Variants in TERB1 observed in about 807,000 individuals in gnomAD.
TERB1 encodes the protein telomere repeat binding bouquet formation protein 1.
Under a neutral mutation model 92.3 loss-of-function variants are expected in TERB1, and 63 were observed. The ratio of observed to expected loss-of-function variants is 0.68; its 90% CI spans 0.56 to 0.84. TERB1 has a LOEUF of 0.84. Among genes scored for constraint, TERB1 ranks in the 40% least tolerant of loss-of-function variants. The pLI, the probability that TERB1 is intolerant of heterozygous loss-of-function variation, is 0.00. For missense variants in TERB1, 709 were observed against 843.7 expected, an observed-to-expected ratio of 0.84 and a Z score of 1.98; for synonymous variants, 252 against 283.9, an observed-to-expected ratio of 0.89 and a Z score of 1.13.
At chr16:66,765,887 C>T (rs1309345962) in intron 16 of TERB1, among the ~76,000 whole-genome samples, 1 of 91,010 alleles carries the variant, frequency 1.1e-5, no homozygotes, top group South Asian at 4.0e-4. Flanking sequence ...TTTTTTGAGA[C>T]GGAGTCTCGC....
intron 9 of TERB1, among the ~76,000 whole-genome samples, chr16:66,783,736 G>C (rs988494100): frequency 3.3e-5 from 5 of 152,016 alleles, no homozygotes; most frequent in African/African-American, 1.2e-4. Flanking sequence ...TGTTGTTGTT[G>C]TTGTTTAGAA....
rs868456398 is a variant in TERB1 at position 66,787,320 on chromosome 16, G to A, written c.400+849C>T. The stretch of plus-strand genomic sequence containing the variant: ...TTTTTATTTCTTTGTAGAGAGACAA[G>A]GTCTCAGTATGTTACCTAGGCTGGT... On this transcript the variant is annotated intron_variant, in intron 6 of 18. Coordinates refer to ENST00000433154, the MANE Select transcript of TERB1 (RefSeq NM_001136505.2). Among the ~76,000 whole-genome samples, 9 of 149,888 alleles carry A rather than the reference G, an allele frequency of 6.0e-5. No homozygotes were observed. In the East Asian group the frequency reaches 9.7e-4, roughly 16 times the overall value.
chr16:66,755,295 T>C lies in TERB1; in HGVS notation c.1997-132A>G, dbSNP rs1597004133. ...ACAGAGTGAGAAATGCCAGGGCTTC[T>C]CATCATGTGGAAACCCACTTCAATT... is the stretch of plus-strand genomic sequence containing the variant. On this transcript the variant is annotated intron_variant, in intron 18 of 18. Coordinates refer to ENST00000433154, the MANE Select transcript of TERB1 (RefSeq NM_001136505.2). 4 of 631,174 alleles carry C rather than the reference T, an allele frequency of 6.3e-6. No homozygotes were observed. The East Asian group carries it at 8.4e-5, about 13-fold the overall frequency. The allele number at this position is 631,174 out of a possible 1,614,324, so 39.1% of individuals were successfully genotyped here.
chr16:66,775,508 C>A (rs2018531410), intron 11 of TERB1, among the ~76,000 whole-genome samples: 1 of 151,968 alleles, frequency 6.6e-6, no homozygotes, highest in Non-Finnish European at 1.5e-5. Flanking sequence ...GTGGCAGGCA[C>A]TTGTAATCCC....
chr16:66,786,233 C>A lies in TERB1; in HGVS notation c.453G>T (p.Arg151=). 1 of 1,549,232 alleles carries A rather than the reference C, an allele frequency of 6.5e-7. No individual in the cohort carries two copies. The change falls in exon 7 of 19, where the codon CGG becomes CGT. Residue 151 remains arginine (R), a synonymous_variant. Transcript: ENST00000433154. ...RETGCITVLS[R]LFRTVISKHE... Reference sequence around the variant, plus strand: ...AATTTGTATTTGTTTACCTGAATAACCGTGACAGAACTGTAATACAACCTG... The same window carrying A: ...AATTTGTATTTGTTTACCTGAATAAACGTGACAGAACTGTAATACAACCTG...
At position 66,755,091 on chromosome 16, in the gene TERB1, C is replaced by T; in HGVS notation, c.2069G>A (p.Gly690Glu). ...NYLFNGVKKM[G>E]NHWNSILWSF... ...CCACAAAATTGAATTCCAGTGATTT[C>T]CCATTTTCTTAACTCCATTGAAAAG... Residue 690 changes from glycine (G) to glutamate (E), a missense_variant, in exon 19 of 19, where the codon GGA becomes GAA. Coordinates refer to ENST00000433154, the MANE Select transcript of TERB1 (RefSeq NM_001136505.2). 6.4e-7 allele frequency: 1 copy of T among 1,551,332 alleles called. No individual in the cohort carries two copies. The highest frequency in any genetic ancestry group is 8.7e-7 in the Non-Finnish European group (1 of 1,146,678).
At chr16:66,787,648 T>A (rs1408709364) in intron 6 of TERB1, among the ~76,000 whole-genome samples, 1 of 152,210 alleles carries the variant, frequency 6.6e-6, no homozygotes, top group East Asian at 1.9e-4. Context: ...ATAAACTAAT[T>A]CATTAAATGC....
In TERB1 at chr16:66,754,789, TG is replaced by T; in HGVS notation, c.*186del. ...GGAATTTTCTTACTAATCTGTACAC[TG>T]ATGATATATTTGCTTTATAAATCAT... On this transcript the variant is annotated 3_prime_UTR_variant, in exon 19 of 19. Coordinates refer to ENST00000433154, the MANE Select transcript of TERB1 (RefSeq NM_001136505.2). The T allele has an allele frequency of 1.7e-6, 1 of 590,692 alleles. No homozygotes were observed. Among genetic ancestry groups the T allele is most frequent in the African/African-American group, 1.9e-5 (1 of 53,790 alleles). The allele number at this position is 590,692 out of a possible 1,614,324, so 36.6% of individuals were successfully genotyped here.
intron 2 of TERB1, among the ~76,000 whole-genome samples, chr16:66,800,517 A>G (rs1329407733): frequency 1.4e-5 from 2 of 139,870 alleles, no homozygotes; most frequent in Non-Finnish European, 3.0e-5. Flanking sequence ...CAGCCTCCCC[A>G]GTAGCTGGGA....
chr16:66,755,615 A>C (rs1597004326), intron 18 of TERB1, among the ~76,000 whole-genome samples: 1 of 152,052 alleles, frequency 6.6e-6, no homozygotes, highest in East Asian at 1.9e-4. Flanking sequence ...TCTCCACCAA[A>C]AATACAAAAA....
At position 66,778,922 on chromosome 16, in the gene TERB1, GA is replaced by G. The variant is rs2018592049; in HGVS notation, c.793del (p.Ser265ProfsTer9). 1.3e-6 allele frequency: 2 copies of G among 1,535,274 alleles called. No individual in the cohort carries two copies. Among genetic ancestry groups the G allele is most frequent in the Non-Finnish European group, 1.8e-6 (2 of 1,133,912 alleles). On this transcript the variant is annotated frameshift_variant, in exon 10 of 19. Coordinates refer to ENST00000433154, the MANE Select transcript of TERB1 (RefSeq NM_001136505.2). LOFTEE classifies it high-confidence loss of function. ...QLESDSHETL[S>X]SAKLAVVVTK... ...CACAACCACTGCAAGTTTAGCACTG[GA>G]AAGAGTCTCATGTGAATCAGATTCC...
intron 16 of TERB1, among the ~76,000 whole-genome samples, chr16:66,765,101 T>C (rs1373722844): frequency 6.6e-6 from 1 of 152,204 alleles, no homozygotes; most frequent in Non-Finnish European, 1.5e-5. Context: ...GAAGACTGAG[T>C]TCTATTCATC....
At chr16:66,755,309 C>A (rs969228620) in intron 18 of TERB1, 146 bp from the exon 19 acceptor site, 13 of 607,602 alleles carry the variant, frequency 2.1e-5, no homozygotes, top group Non-Finnish European at 3.7e-5. Context: ...CATGTGGAAA[C>A]CCACTTCAAT....
chr16:66,777,619 T>C (rs1048136780), intron 10 of TERB1, among the ~76,000 whole-genome samples: 2 of 152,232 alleles, frequency 1.3e-5, no homozygotes, highest in African/African-American at 4.8e-5. Context: ...TTTTTCTTAA[T>C]TGTTCTGCAG....
At chr16:66,779,612 C>T (rs1443755744) in intron 9 of TERB1, among the ~76,000 whole-genome samples, 3 of 151,534 alleles carry the variant, frequency 2.0e-5, no homozygotes, top group African/African-American at 7.3e-5. Context: ...AACAAACAAA[C>T]AAAAACAAAA....
chr16:66,800,723 G>T (rs1402528866), intron 2 of TERB1, among the ~76,000 whole-genome samples: 1 of 152,138 alleles, frequency 6.6e-6, no homozygotes, highest in African/African-American at 2.4e-5. Context: ...GAAGACGCAA[G>T]AAGAGAGAAG....
intron 11 of TERB1, 117 bp from the exon 12 acceptor site, chr16:66,775,360 A>C: frequency 1.2e-6 from 1 of 860,822 alleles, no homozygotes; most frequent in Non-Finnish European, 1.7e-6. Context: ...TAGGCCAGGA[A>C]CGGTGGCTCA....
At position 66,778,899 on chromosome 16, in the gene TERB1, C is replaced by T. The variant is rs1418329031; in HGVS notation, c.817G>A (p.Val273Met). The change falls in exon 10 of 19, where the codon GTG becomes ATG. Residue 273 changes from valine (V) to methionine (M), a missense_variant. Val to Met is a conservative substitution (Grantham distance 21). Coordinates refer to ENST00000433154, the MANE Select transcript of TERB1 (RefSeq NM_001136505.2). ...TLSSAKLAVV[V>M]TKTVDACIAD... ...ATGCATGCATCCACAGTCTTCGTCACAACCACTGCAAGTTTAGCACTGGAA... is the reference window on the plus strand; with the variant it reads ...ATGCATGCATCCACAGTCTTCGTCATAACCACTGCAAGTTTAGCACTGGAA... 6.6e-7 allele frequency: 1 copy of T among 1,525,758 alleles called. No individual in the cohort carries two copies. The highest frequency in any genetic ancestry group is 2.5e-5 in the East Asian group (1 of 40,192). 94.5% of individuals were successfully genotyped at this position (1,525,758 alleles called of 1,614,324 possible).
intron 18 of TERB1, among the ~76,000 whole-genome samples, chr16:66,755,448 TG>T (rs1457665974): frequency 6.6e-6 from 1 of 152,250 alleles, no homozygotes; most frequent in Non-Finnish European, 1.5e-5. Context: ...AACATTTGAT[TG>T]TTAATTCAAC....
Sources: gnomAD v4.1 joint callset for allele counts (sites outside exome capture counted in the v4.1 genomes callset) on GRCh38, gnomAD v4.1.1 for gene constraint, MANE v1.5 for transcripts, NCBI Gene and HGNC (gene_info 2026-07-23, HGNC 2026-07-21) for gene names.